KAT6A: variants seen among roughly 807,000 people sequenced by gnomAD.
KAT6A encodes histone acetyltransferase KAT6A.
A neutral mutation model predicts 198.4 loss-of-function variants in KAT6A; 9 were observed. The ratio of observed to expected loss-of-function variants is 0.05; its 90% CI spans 0.03 to 0.08. The LOEUF is 0.08. Ranked by LOEUF, KAT6A falls within the 10% of genes least tolerant of loss-of-function variation. KAT6A has a pLI of 1.00. For synonymous variants in KAT6A, 890 were observed against 883.0 expected (o/e 1.01, Z -0.14); for missense variants, 2,077 against 2,509.9 (o/e 0.83, Z 3.69).
rs1033408077 is a variant in KAT6A, at chr8:41,930,342, G to C, written c.*1863C>G. ...GTGCACTTTCTACATAGATGACTGGGAACTGGAATAGTATATACAGAGAAA... is the reference window on the plus strand; with the variant it reads ...GTGCACTTTCTACATAGATGACTGGCAACTGGAATAGTATATACAGAGAAA... On this transcript the variant is annotated 3_prime_UTR_variant, in exon 17 of 17. Transcript: ENST00000265713. 4.4e-6 allele frequency: 1 copy of C among 225,262 alleles called. No homozygotes were observed. The highest frequency in any genetic ancestry group is 2.2e-5 in the African/African-American group (1 of 44,586). The allele number at this position is 225,262 out of a possible 1,614,324, so 14.0% of individuals were successfully genotyped here.
intron 2 of KAT6A, among the ~76,000 whole-genome samples, chr8:42,019,377 A>T (rs1826421191): frequency 6.6e-6 from 1 of 152,162 alleles, no homozygotes; most frequent in Non-Finnish European, 1.5e-5. Flanking sequence ...ATGTGCCAGG[A>T]ACATTTTTTT....
At chr8:42,019,510 G>T (rs1826429639) in intron 2 of KAT6A, among the ~76,000 whole-genome samples, 1 of 152,114 alleles carries the variant, frequency 6.6e-6, no homozygotes, top group African/African-American at 2.4e-5. Flanking sequence ...AATATAGTGT[G>T]TTTTTTATAA....
At chr8:41,965,629 T>A (rs1013616187) in intron 8 of KAT6A, among the ~76,000 whole-genome samples, 3 of 152,204 alleles carry the variant, frequency 2.0e-5, no homozygotes, top group Admixed American at 2.0e-4. Flanking sequence ...TTTAGTTTGA[T>A]AAGCATGGGT....
At chr8:42,021,647 T>C (rs1049301755) in intron 2 of KAT6A, among the ~76,000 whole-genome samples, 2 of 152,198 alleles carry the variant, frequency 1.3e-5, no homozygotes, top group Non-Finnish European at 2.9e-5. Flanking sequence ...GGGAGTACTT[T>C]AGACCAGGCA....
chr8:42,043,546 G>C lies in KAT6A; in HGVS notation c.600+4832C>G, dbSNP rs542551444. 2.0e-5 allele frequency: 3 copies of C among 152,142 alleles called. No individual in the cohort carries two copies. In the East Asian group the frequency reaches 5.8e-4, roughly 29 times the overall value. 9.4% of individuals were successfully genotyped at this position (152,142 alleles called of 1,614,324 possible). A position where few individuals can be genotyped will look rare whatever the true frequency, so the allele number is the denominator to read the frequency against. On this transcript the variant is annotated intron_variant, in intron 2 of 16. Coordinates refer to ENST00000265713, the MANE Select transcript of KAT6A (RefSeq NM_006766.5). ...CAAAACTAGATTACTCCTAATCTTT[G>C]GTTCCTAACACATTCTTATCACTGG...
chr8:41,999,152 A>G lies in KAT6A; in HGVS notation c.601-11589T>C, dbSNP rs370651294. Among the ~76,000 whole-genome samples, 5 of 152,304 alleles carry G rather than the reference A, an allele frequency of 3.3e-5. No homozygotes were observed. In the South Asian group the frequency reaches 1.0e-3, roughly 32 times the overall value. ...TCAGATAAGAAATCAATCATCTATT[A>G]AGATACTCTAACAATCTTCTATTTC... On this transcript the variant is annotated intron_variant, in intron 2 of 16. Transcript: ENST00000265713.
intron 8 of KAT6A, among the ~76,000 whole-genome samples, chr8:41,956,499 C>T (rs920366224): frequency 6.6e-6 from 1 of 152,252 alleles, no homozygotes; most frequent in African/African-American, 2.4e-5. Context: ...TATTTTATAA[C>T]AAAACTAAAA....
intron 2 of KAT6A, among the ~76,000 whole-genome samples, chr8:42,029,453 TTTC>T (rs1388508226): frequency 1.3e-5 from 2 of 152,096 alleles, no homozygotes; most frequent in Non-Finnish European, 2.9e-5. Context: ...TCACATATGC[TTTC>T]TTATTTTTTT....
chr8:42,005,226 T>TA (rs1825682040), intron 2 of KAT6A, among the ~76,000 whole-genome samples: 1 of 152,214 alleles, frequency 6.6e-6, no homozygotes, highest in African/African-American at 2.4e-5. Context: ...TTTCAGAAGA[T>TA]ATTCTTTTCT....
intron 2 of KAT6A, among the ~76,000 whole-genome samples, chr8:42,016,213 T>C (rs1386512932): frequency 1.3e-5 from 2 of 152,208 alleles, no homozygotes; most frequent in Non-Finnish European, 2.9e-5. Flanking sequence ...GAAATATGAA[T>C]ATGTACCATT....
rs1435171108 is a variant in KAT6A, at chr8:42,046,685, T to G, written c.600+1693A>C. On this transcript the variant is annotated intron_variant, in intron 2 of 16. Transcript: ENST00000265713. ...TTAATAATTGTAGAAATCCGATAAC[T>G]GTATTTAAATTCAGCCACATGTGAT... 2.0e-5 allele frequency among the ~76,000 whole-genome samples: 3 copies of G among 152,216 alleles called. No individual in the cohort carries two copies. In the East Asian group the frequency reaches 5.8e-4, roughly 29 times the overall value.
chr8:42,006,677 T>C (rs1825766159), intron 2 of KAT6A, among the ~76,000 whole-genome samples: 1 of 152,272 alleles, frequency 6.6e-6, no homozygotes, highest in East Asian at 1.9e-4. Context: ...TAAATGAAGA[T>C]ATAAACCAGG....
intron 2 of KAT6A, among the ~76,000 whole-genome samples, chr8:41,990,249 T>G (rs1304177853): frequency 6.6e-6 from 1 of 152,116 alleles, no homozygotes; most frequent in Non-Finnish European, 1.5e-5. Flanking sequence ...TGATCTATAA[T>G]CCAGGCCATG....
At chr8:41,938,934 T>A (rs1587716152) in intron 15 of KAT6A, among the ~76,000 whole-genome samples, 5 of 106,514 alleles carry the variant, frequency 4.7e-5, no homozygotes, top group South Asian at 2.9e-4. Flanking sequence ...GGTGACAGAG[T>A]AAGACCCCAT....
intron 7 of KAT6A, among the ~76,000 whole-genome samples, chr8:41,976,409 A>G (rs1485664430): frequency 6.6e-6 from 1 of 152,208 alleles, no homozygotes; most frequent in Non-Finnish European, 1.5e-5. Flanking sequence ...CACATTATTA[A>G]GTCCTCTCCA....
At chr8:42,051,508 G>A (rs866804760) in intron 1 of KAT6A, among the ~76,000 whole-genome samples, 74 of 146,084 alleles carry the variant, frequency 5.1e-4, no homozygotes, top group Middle Eastern at 3.5e-3. Context: ...CGCCCCGAGG[G>A]AGAGCGGGCT....
At chr8:41,982,852 C>T (rs1406927525) in intron 3 of KAT6A, among the ~76,000 whole-genome samples, 2 of 152,122 alleles carry the variant, frequency 1.3e-5, no homozygotes, top group Non-Finnish European at 2.9e-5. Context: ...ATAAATTAAA[C>T]TTTATTATAT....
rs1401411683 is a variant in KAT6A, at chr8:41,934,389, G to A, written c.3831C>T (p.Pro1277=). ...ACTGCCTCTGCTCCTCTGAGACACG[G>A]GGCTTCTCTTCTTCCTCCTCCACCT... ...EPEVEEEEEK[P]RVSEEQRQSE... Residue 1277 remains proline (P), a synonymous_variant, in exon 17 of 17, where the codon CCC becomes CCT. Transcript: ENST00000265713. 6.2e-7 allele frequency: 1 copy of A among 1,613,502 alleles called. No homozygotes were observed. Among genetic ancestry groups the A allele is most frequent in the South Asian group, 1.1e-5 (1 of 91,054 alleles).
At chr8:42,042,353 G>A (rs906457974) in intron 2 of KAT6A, among the ~76,000 whole-genome samples, 5 of 151,744 alleles carry the variant, frequency 3.3e-5, no homozygotes, top group Admixed American at 2.6e-4. Flanking sequence ...GCTTACTCGG[G>A]AGGCTGAGGC....
Sources: gnomAD v4.1 joint callset for allele counts (sites outside exome capture counted in the v4.1 genomes callset) on GRCh38, gnomAD v4.1.1 for gene constraint, MANE v1.5 for transcripts, NCBI Gene and HGNC (gene_info 2026-07-23, HGNC 2026-07-21) for gene names.